Variants in FAM13A observed in about 807,000 individuals in gnomAD.
FAM13A encodes protein FAM13A.
FAM13A carries 76 observed loss-of-function variants against 129.6 expected under a neutral mutation model. The ratio of observed to expected loss-of-function variants is 0.59; its 90% CI spans 0.49 to 0.71. The LOEUF is 0.71. FAM13A is among the 30% of genes least tolerant of loss of function. The pLI is 0.00. For synonymous variants in FAM13A, 443 were observed against 449.9 expected, an observed-to-expected ratio of 0.98 and a Z score of 0.20; for missense variants, 1,108 against 1,249.3, an observed-to-expected ratio of 0.89 and a Z score of 1.70.
intron 7 of FAM13A, among the ~76,000 whole-genome samples, chr4:88,850,430 A>G (rs903141383): frequency 2.0e-5 from 3 of 152,048 alleles, no homozygotes; most frequent in Admixed American, 1.3e-4. Context: ...GGTGGCACAC[A>G]CCTGTAGTCT....
At chr4:88,987,106 G>T (rs1041835967) in intron 4 of FAM13A, among the ~76,000 whole-genome samples, 6 of 152,164 alleles carry the variant, frequency 3.9e-5, no homozygotes, top group Non-Finnish European at 7.3e-5. Context: ...ACAGTTGCCA[G>T]CCTAAAGGGA....
At chr4:89,046,033 A>T (rs144813638) in intron 1 of FAM13A, among the ~76,000 whole-genome samples, 25 of 151,408 alleles carry the variant, frequency 1.7e-4, no homozygotes, top group African/African-American at 5.8e-4. Flanking sequence ...TCAAAAAAAA[A>T]AAAAAAGAAA....
intron 1 of FAM13A, among the ~76,000 whole-genome samples, chr4:89,043,377 G>A (rs1375311973): frequency 1.3e-5 from 2 of 152,282 alleles, no homozygotes; most frequent in Non-Finnish European, 2.9e-5. Context: ...AGAGGCAAAG[G>A]AGAGATGGGC....
intron 2 of FAM13A, among the ~76,000 whole-genome samples, chr4:89,026,449 G>GA (rs1304377186): frequency 2.0e-5 from 3 of 151,994 alleles, no homozygotes; most frequent in South Asian, 4.2e-4. Context: ...TAAGTTTTCA[G>GA]AAAAAAAATA....
chr4:88,965,382 GTTC>G (rs372281196), intron 4 of FAM13A, among the ~76,000 whole-genome samples: 33 of 152,244 alleles, frequency 2.2e-4, no homozygotes, highest in African/African-American at 7.5e-4. Context: ...TAAACAAAAT[GTTC>G]TTCTTTACAT....
chr4:88,750,573 C>A lies in FAM13A; in HGVS notation c.1791G>T (p.Ser597=), dbSNP rs374244188. 1.2e-6 allele frequency: 2 copies of A among 1,614,072 alleles called. No homozygotes were observed. The highest frequency in any genetic ancestry group is 2.2e-5 in the East Asian group (1 of 44,870). ...ENSDSDEAHL[S]PQAGRLIRQL... ...GACGGATCAGGCGCCCAGCCTGCGG[C>A]GAGAGGTGGGCTTCATCAGAGTCAC... Residue 597 remains serine, a synonymous_variant, in exon 15 of 24, where the codon TCG becomes TCT. Transcript: ENST00000264344.
intron 1 of FAM13A, among the ~76,000 whole-genome samples, chr4:89,049,555 C>T (rs1171060772): frequency 6.6e-6 from 1 of 152,202 alleles, no homozygotes; most frequent in East Asian, 1.9e-4. Context: ...AACTTTATAT[C>T]AAAATTCTCT....
At chr4:88,780,911 GA>G (rs35309967) in intron 11 of FAM13A, among the ~76,000 whole-genome samples, 1 of 150,862 alleles carries the variant, frequency 6.6e-6, no homozygotes, top group African/African-American at 2.4e-5. Context: ...AAAAATGCTT[GA>G]AAAAAAAGAG....
intron 4 of FAM13A, among the ~76,000 whole-genome samples, chr4:88,956,174 C>A (rs1305543550): frequency 3.9e-5 from 6 of 152,210 alleles, no homozygotes; most frequent in African/African-American, 1.4e-4. Flanking sequence ...TCACTCAGAG[C>A]AACTTCCAGT....
intron 5 of FAM13A, among the ~76,000 whole-genome samples, chr4:88,907,619 A>G (rs1748380358): frequency 6.6e-6 from 1 of 152,190 alleles, no homozygotes; most frequent in South Asian, 2.1e-4. Flanking sequence ...CAATAGCCCT[A>G]TGAGCTAGGA....
chr4:88,976,785 G>A lies in FAM13A; in HGVS notation c.605+14188C>T, dbSNP rs150997797. On this transcript the variant is annotated intron_variant, in intron 4 of 23. Coordinates refer to ENST00000264344, the MANE Select transcript of FAM13A (RefSeq NM_014883.4). ...CATTCAGGGTAAGTGCCCTACACAG[G>A]TGTACAATTTTTTATCTTTTATAGT... 1.2e-4 allele frequency among the ~76,000 whole-genome samples: 19 copies of A among 152,190 alleles called. 1 individual carries two copies. The East Asian group carries it at 3.5e-3, about 28-fold the overall frequency.
intron 4 of FAM13A, among the ~76,000 whole-genome samples, chr4:88,961,206 C>T (rs1396240674): frequency 6.6e-6 from 1 of 151,924 alleles, no homozygotes; most frequent in Non-Finnish European, 1.5e-5. Context: ...AATATAGTTG[C>T]AATGAAAGCT....
intron 7 of FAM13A, among the ~76,000 whole-genome samples, chr4:88,817,037 T>C (rs1730870032): frequency 6.6e-6 from 1 of 152,178 alleles, no homozygotes; most frequent in African/African-American, 2.4e-5. Context: ...TATCATAATA[T>C]TATTCAGCCA....
intron 8 of FAM13A, among the ~76,000 whole-genome samples, chr4:88,792,396 G>C (rs1304668490): frequency 6.6e-6 from 1 of 152,024 alleles, no homozygotes; most frequent in Admixed American, 6.6e-5. Context: ...GGATATGGAG[G>C]CCTGGCCTTA....
chr4:88,778,622 A>G (rs1722250789), intron 11 of FAM13A, among the ~76,000 whole-genome samples: 1 of 152,134 alleles, frequency 6.6e-6, no homozygotes, highest in African/African-American at 2.4e-5. Context: ...AATGATTCCT[A>G]ACTGGTCTCT....
At chr4:88,981,047 T>G (rs1230544868) in intron 4 of FAM13A, among the ~76,000 whole-genome samples, 1 of 152,210 alleles carries the variant, frequency 6.6e-6, no homozygotes, top group African/African-American at 2.4e-5. Flanking sequence ...GAAACTGATT[T>G]ATCTTTGAAA....
At chr4:88,989,386 G>A (rs1762666938) in intron 4 of FAM13A, among the ~76,000 whole-genome samples, 1 of 151,998 alleles carries the variant, frequency 6.6e-6, no homozygotes, top group African/African-American at 2.4e-5. Context: ...TGGATTGCTT[G>A]AGCCCAGGAG....
intron 4 of FAM13A, among the ~76,000 whole-genome samples, chr4:88,956,769 T>A (rs1242726564): frequency 2.6e-5 from 4 of 152,184 alleles, no homozygotes; most frequent in African/African-American, 9.7e-5. Flanking sequence ...CCTGCATTCC[T>A]TAGCTTGTGG....
chr4:89,046,495 G>A (rs566812272), intron 1 of FAM13A, among the ~76,000 whole-genome samples: 25 of 152,218 alleles, frequency 1.6e-4, no homozygotes, highest in African/African-American at 4.6e-4. Flanking sequence ...AATCGAAGAC[G>A]GGCAAAAATC....
Sources: gnomAD v4.1 joint callset for allele counts (sites outside exome capture counted in the v4.1 genomes callset) on GRCh38, gnomAD v4.1.1 for gene constraint, MANE v1.5 for transcripts, NCBI Gene and HGNC (gene_info 2026-07-23, HGNC 2026-07-21) for gene names.